NCAM2: variants seen among roughly 807,000 people sequenced by gnomAD.
NCAM2 encodes the protein neural cell adhesion molecule 2.
In NCAM2, 30 loss-of-function variants were observed where a neutral mutation model predicts 98.1. The ratio of observed to expected loss-of-function variants is 0.31; its 90% CI spans 0.23 to 0.41. NCAM2 has a LOEUF of 0.41. Ranked by LOEUF, NCAM2 falls within the 10% of genes least tolerant of loss-of-function variation. The probability of loss-of-function intolerance (pLI) is 1.00; values close to 1 mark genes in which losing one functional copy is unlikely to be tolerated. For synonymous variants in NCAM2, 368 were observed against 342.4 expected (o/e 1.07, Z -0.83); for missense variants, 867 against 1,005.8 (o/e 0.86, Z 1.87).
chr21:21,303,089 A>C (rs1157595778), intron 5 of NCAM2, among the ~76,000 whole-genome samples: 1 of 152,044 alleles, frequency 6.6e-6, no homozygotes, highest in Non-Finnish European at 1.5e-5. Flanking sequence ...TAGACACTGC[A>C]GAATACTAGA....
chr21:21,365,136 A>G (rs1440948079), intron 8 of NCAM2, among the ~76,000 whole-genome samples: 1 of 152,132 alleles, frequency 6.6e-6, no homozygotes, highest in Admixed American at 6.6e-5. Context: ...CTGAAAGGGC[A>G]GAGCCCTGTG....
At chr21:21,205,495 T>C (rs1421899972) in intron 1 of NCAM2, among the ~76,000 whole-genome samples, 1 of 152,154 alleles carries the variant, frequency 6.6e-6, no homozygotes, top group Non-Finnish European at 1.5e-5. Context: ...TAAGTTTAGA[T>C]AATTTTTAAT....
At chr21:21,091,137 G>A (rs1201356390) in intron 1 of NCAM2, among the ~76,000 whole-genome samples, 1 of 152,138 alleles carries the variant, frequency 6.6e-6, no homozygotes, top group East Asian at 1.9e-4. Context: ...TCTCAATACT[G>A]TGTGTTGCAT....
intron 8 of NCAM2, among the ~76,000 whole-genome samples, chr21:21,360,404 C>A (rs1019593344): frequency 7.9e-5 from 12 of 151,950 alleles, no homozygotes; most frequent in African/African-American, 2.7e-4. Flanking sequence ...ATGATAGCAT[C>A]AATGCTTCTG....
chr21:21,204,272 C>T (rs968783323), intron 1 of NCAM2, among the ~76,000 whole-genome samples: 1 of 152,074 alleles, frequency 6.6e-6, no homozygotes. Flanking sequence ...TATAGACAGC[C>T]ATGCCATGTA....
At chr21:21,124,478 G>A (rs1397839844) in intron 1 of NCAM2, among the ~76,000 whole-genome samples, 2 of 152,108 alleles carry the variant, frequency 1.3e-5, no homozygotes, top group African/African-American at 4.8e-5. Flanking sequence ...GTAAACTTAG[G>A]TCAGCTTTCG....
intron 9 of NCAM2, among the ~76,000 whole-genome samples, chr21:21,385,319 G>A (rs2148114276): frequency 6.6e-6 from 1 of 151,188 alleles, no homozygotes; most frequent in East Asian, 2.0e-4. Context: ...ATGCATCATG[G>A]CCATCAAAGT....
At chr21:21,319,763 G>A (rs1952309412) in intron 5 of NCAM2, among the ~76,000 whole-genome samples, 1 of 151,762 alleles carries the variant, frequency 6.6e-6, no homozygotes, top group Admixed American at 6.6e-5. Context: ...CAATTTAAAA[G>A]AAACATAATA....
At chr21:21,413,290 G>A (rs1045178161) in intron 10 of NCAM2, among the ~76,000 whole-genome samples, 8 of 152,028 alleles carry the variant, frequency 5.3e-5, no homozygotes, top group African/African-American at 1.9e-4. Context: ...TCCTAAATAG[G>A]GGTGCTTACT....
intron 1 of NCAM2, among the ~76,000 whole-genome samples, chr21:21,167,059 T>A (rs1032935263): frequency 6.6e-6 from 1 of 152,194 alleles, no homozygotes; most frequent in Non-Finnish European, 1.5e-5. Flanking sequence ...TTTATGTCCC[T>A]TCTCTTTCTT....
chr21:21,491,725 T>C (rs1276580378), intron 15 of NCAM2, among the ~76,000 whole-genome samples: 3 of 151,616 alleles, frequency 2.0e-5, no homozygotes, highest in Non-Finnish European at 4.4e-5. Flanking sequence ...TTAATTTCTC[T>C]TATTCCATGA....
At chr21:21,453,014 A>AT (rs1981532988) in intron 12 of NCAM2, among the ~76,000 whole-genome samples, 1 of 105,462 alleles carries the variant, frequency 9.5e-6, no homozygotes, top group African/African-American at 3.8e-5. Flanking sequence ...ATAATATATA[A>AT]AAATATATAA....
At chr21:21,365,038 G>A (rs9976114) in intron 8 of NCAM2, among the ~76,000 whole-genome samples, 13,574 of 152,078 alleles carry the variant, frequency 0.089, 775 homozygotes, top group East Asian at 0.29. Context: ...GGGAGCACAG[G>A]GATGAATGCT....
intron 1 of NCAM2, among the ~76,000 whole-genome samples, chr21:21,227,474 G>A (rs1181170431): frequency 2.6e-5 from 4 of 151,722 alleles, no homozygotes; most frequent in African/African-American, 9.7e-5. Context: ...AACAAGATAT[G>A]TTTATTGTTA....
At chr21:21,501,391 T>C (rs1987621205) in intron 15 of NCAM2, among the ~76,000 whole-genome samples, 1 of 152,022 alleles carries the variant, frequency 6.6e-6, no homozygotes, top group Non-Finnish European at 1.5e-5. Flanking sequence ...GTAAATATCA[T>C]ATCCATTAGC....
chr21:21,169,706 T>C (rs2068059826), intron 1 of NCAM2, among the ~76,000 whole-genome samples: 1 of 152,138 alleles, frequency 6.6e-6, no homozygotes, highest in African/African-American at 2.4e-5. Context: ...CCCAGCACTT[T>C]GGGAGGCTGA....
chr21:21,284,352 G>A lies in NCAM2; in HGVS notation c.289G>A (p.Asp97Asn). 6.2e-7 allele frequency: 1 copy of A among 1,612,812 alleles called. No individual in the cohort carries two copies. The highest frequency in any genetic ancestry group is 1.3e-5 in the African/African-American group (1 of 74,958). Residue 97 changes from aspartate (D) to asparagine (N), a missense_variant, in exon 3 of 18, where the codon GAT (aspartate) becomes AAT (asparagine). By Grantham distance (23) the Asp-to-Asn change is conservative. Transcript: ENST00000400546. Reference sequence around the variant, plus strand: ...AGGGATATATCGTTGTCAAGCAACAGATGCCAAAGGACAAACACAAGAAGC... The same window carrying A: ...AGGGATATATCGTTGTCAAGCAACAAATGCCAAAGGACAAACACAAGAAGC... The part of the protein sequence containing the change: ...DAGIYRCQAT[D>N]AKGQTQEATV...
At chr21:21,223,362 A>G (rs996602427) in intron 1 of NCAM2, 1 of 152,142 alleles carries the variant, frequency 6.6e-6, no homozygotes, top group Non-Finnish European at 1.5e-5. Context: ...GAGAACCATT[A>G]TACATGGTCA....
chr21:21,419,949 A>G (rs1051803282), intron 11 of NCAM2, among the ~76,000 whole-genome samples: 8 of 152,154 alleles, frequency 5.3e-5, no homozygotes, highest in African/African-American at 1.9e-4. Flanking sequence ...GACTTCCACA[A>G]TGGTTGAACT....
Sources: allele counts gnomAD v4.1 joint callset (sites outside exome capture counted in the v4.1 genomes callset), GRCh38; gene constraint gnomAD v4.1.1; transcripts MANE v1.5; gene names NCBI Gene and HGNC (gene_info 2026-07-23, HGNC 2026-07-21).